The following TMPRSS9 variants were observed in gnomAD, a reference collection of about 807,000 sequenced individuals.
The protein encoded by TMPRSS9 is transmembrane protease serine 9.
A neutral mutation model predicts 111.4 loss-of-function variants in TMPRSS9; 113 were observed. The observed-to-expected ratio is 1.01, with a 90% CI of 0.87 to 1.19. The LOEUF (loss-of-function observed/expected upper bound fraction) is 1.19, where lower values mean the gene tolerates loss of function less well. TMPRSS9 is among the 50% of genes most tolerant of loss of function. The pLI is 0.00. For synonymous variants in TMPRSS9, 805 were observed against 659.1 expected (o/e 1.22, Z -3.39); for missense variants, 1,803 against 1,513.1 (o/e 1.19, Z -3.18).
exon 14 of TMPRSS9, chr19:2,422,043 A>G (rs767604830): frequency 6.2e-7 from 1 of 1,612,468 alleles, no homozygotes; most frequent in Non-Finnish European, 8.5e-7. Flanking sequence ...CCCCTCGACC[A>G]CAAGGATGCT....
chr19:2,420,035 T>C (rs7260554), intron 13 of TMPRSS9, among the ~76,000 whole-genome samples: 53,868 of 151,280 alleles, frequency 0.36, 10,317 homozygotes, highest in African/African-American at 0.51. Flanking sequence ...GAGTGGCAGG[T>C]GCCTGTGGTC....
At chr19:2,386,651 C>T (rs1970483592), upstream of TMPRSS9, among the ~76,000 whole-genome samples, 1 of 152,130 alleles carries the variant, frequency 6.6e-6, no homozygotes, top group African/African-American at 2.4e-5. Flanking sequence ...TTTAGCGTGA[C>T]AATGGGAGAG....
At position 2,410,405 on chromosome 19, in the gene TMPRSS9, G is replaced by A. The variant is rs765584501; in HGVS notation, c.1254+11G>A. ...GTGGACTCCTGCCAGGTGAGCCCCC[G>A]ATGCCCCAGACCCCAGAAAAACACA... On this transcript the variant is annotated intron_variant, in intron 9 of 17. Transcript: ENST00000648592. 1.1e-5 allele frequency: 18 copies of A among 1,613,240 alleles called. 1 individual carries two copies. The highest frequency in any genetic ancestry group is 2.2e-5 in the East Asian group (1 of 44,874).
chr19:2,384,764 A>G (rs952153256), upstream of TMPRSS9, among the ~76,000 whole-genome samples: 6 of 150,956 alleles, frequency 4.0e-5, no homozygotes, highest in East Asian at 2.0e-4. Context: ...GCAGTGAGCC[A>G]AGATCGCACC....
At chr19:2,389,577 G>A (rs182442287), upstream of TMPRSS9, among the ~76,000 whole-genome samples, 262 of 151,384 alleles carry the variant, frequency 1.7e-3, 1 homozygote, top group African/African-American at 6.2e-3. Flanking sequence ...CATGTTGGCC[G>A]GGCTGATCTG....
At chr19:2,404,002 AAAAAAAAG>A (rs1205687788) in intron 6 of TMPRSS9, among the ~76,000 whole-genome samples, 7 of 150,332 alleles carry the variant, frequency 4.7e-5, no homozygotes, top group Non-Finnish European at 1.0e-4. Flanking sequence ...AAAAAAAAAA[AAAAAAAAG>A]AAAAAAAAAT....
chr19:2,410,193 C>A, intron 8 of TMPRSS9, 65 bp from the exon 10 acceptor site: 1 of 1,595,910 alleles, frequency 6.3e-7, no homozygotes, highest in Non-Finnish European at 8.6e-7. Flanking sequence ...CTTCAGCCTC[C>A]CAGCTCAAAG....
chr19:2,381,270 A>G (rs4807250), intron 1 of TMPRSS9, among the ~76,000 whole-genome samples: 68,760 of 151,686 alleles, frequency 0.45, 16,380 homozygotes, highest in East Asian at 0.6. Flanking sequence ...GGTGATGACA[A>G]GACCATTTAG....
At chr19:2,397,511 G>A (rs965746536) in intron 2 of TMPRSS9, among the ~76,000 whole-genome samples, 1 of 152,066 alleles carries the variant, frequency 6.6e-6, no homozygotes, top group Non-Finnish European at 1.5e-5. Flanking sequence ...CAGGAAAAGG[G>A]GCCAGGCTTG....
exon 14 of TMPRSS9, chr19:2,421,943 G>C: frequency 6.2e-7 from 1 of 1,613,220 alleles, no homozygotes; most frequent in Non-Finnish European, 8.5e-7. Flanking sequence ...GCTGCGCTCA[G>C]GTTAAGAAGC....
At chr19:2,383,277 C>T (rs895289224) in intron 1 of TMPRSS9, among the ~76,000 whole-genome samples, 33 of 151,784 alleles carry the variant, frequency 2.2e-4, no homozygotes, top group African/African-American at 7.7e-4. Flanking sequence ...TTGCTTGAAC[C>T]TGGGAGGCAG....
intron 1 of TMPRSS9, among the ~76,000 whole-genome samples, chr19:2,393,245 G>A (rs1970637240): frequency 6.6e-6 from 1 of 152,098 alleles, no homozygotes; most frequent in South Asian, 2.1e-4. Context: ...GGTGTGAGAT[G>A]CTTTTATGAG....
At chr19:2,411,120 C>T (rs1314846412) in intron 9 of TMPRSS9, among the ~76,000 whole-genome samples, 4 of 151,306 alleles carry the variant, frequency 2.6e-5, no homozygotes, top group African/African-American at 7.3e-5. Context: ...AGCAACATGG[C>T]GAAACCTTGT....
intron 1 of TMPRSS9, among the ~76,000 whole-genome samples, chr19:2,391,583 T>C (rs1970597722): frequency 7.7e-6 from 1 of 129,798 alleles, no homozygotes; most frequent in African/African-American, 2.7e-5. Flanking sequence ...TGTCTGCGTG[T>C]GTATCTATGT....
At chr19:2,370,786 C>T (rs768389420) in intron 1 of TMPRSS9, among the ~76,000 whole-genome samples, 23 of 151,828 alleles carry the variant, frequency 1.5e-4, no homozygotes, top group African/African-American at 4.8e-4. Flanking sequence ...TGCAAGACCT[C>T]GTCTCTACAA....
chr19:2,398,007 C>T (rs1052703704), intron 2 of TMPRSS9, among the ~76,000 whole-genome samples: 1 of 146,128 alleles, frequency 6.8e-6, no homozygotes, highest in Non-Finnish European at 1.5e-5. Flanking sequence ...CCTCAGCCTC[C>T]CGAGTAGCTG....
upstream of TMPRSS9, among the ~76,000 whole-genome samples, chr19:2,385,454 T>G (rs183128997): frequency 7.8e-4 from 119 of 152,262 alleles, no homozygotes; most frequent in African/African-American, 2.8e-3. Context: ...CCGTTGCACA[T>G]GGCTGCCACC....
intron 5 of TMPRSS9, 114 bp from the exon 7 acceptor site, chr19:2,402,966 GGA>G (rs1970883219): frequency 1.1e-5 from 8 of 748,520 alleles, no homozygotes; most frequent in Admixed American, 4.6e-5. Context: ...GGAAAGAAAA[GGA>G]GAGAGAGAGT....
upstream of TMPRSS9, among the ~76,000 whole-genome samples, chr19:2,388,464 A>C (rs1350104315): frequency 6.6e-6 from 1 of 152,136 alleles, no homozygotes; most frequent in Admixed American, 6.6e-5. Context: ...AAGGGAGAAG[A>C]AGGGGCCCTG....
Sources: allele counts gnomAD v4.1 joint callset (sites outside exome capture counted in the v4.1 genomes callset), GRCh38; gene constraint gnomAD v4.1.1; transcripts MANE v1.5; gene names NCBI Gene and HGNC (gene_info 2026-07-23, HGNC 2026-07-21).